COL5A3: variants seen among roughly 807,000 people sequenced by gnomAD.
COL5A3 encodes collagen type V alpha 3 chain, also known as collagen alpha-3(V) chain.
A neutral mutation model predicts 250.0 loss-of-function variants in COL5A3; 172 were observed. That is an observed-to-expected ratio of 0.69 (90% CI 0.61 to 0.78). The LOEUF (loss-of-function observed/expected upper bound fraction) is 0.78. COL5A3 is among the 30% of genes least tolerant of loss of function. COL5A3 has a pLI of 0.00. For missense variants in COL5A3, 2,340 were observed against 2,334.4 expected (o/e 1.00, Z -0.05); for synonymous variants, 937 against 900.4 (o/e 1.04, Z -0.73).
intron 23 of COL5A3, 58 bp downstream of exon 23, chr19:9,991,730 G>A (rs371768648): frequency 4.9e-5 from 78 of 1,595,444 alleles, no homozygotes; most frequent in Non-Finnish European, 6.0e-5. Flanking sequence ...GCCTGGTCAC[G>A]GTCTAAGGTC....
chr19:9,979,385 T>TA lies in COL5A3; in HGVS notation c.2744_2745insT (p.Ala916SerfsTer18), dbSNP rs753690146. ...TGACCTGAGGGCCTAAGACACCAGCTGGTCCAGGCGGGCCTGTCTGACCTT... is the reference window on the plus strand; with the variant it reads ...TGACCTGAGGGCCTAAGACACCAGCTAGGTCCAGGCGGGCCTGTCTGACCTT... On this transcript the variant is annotated frameshift_variant, in exon 38 of 67. Coordinates refer to ENST00000264828, the MANE Select transcript of COL5A3 (RefSeq NM_015719.4). LOFTEE classifies it high-confidence loss of function. 12 of 1,613,944 alleles carry TA rather than the reference T, an allele frequency of 7.4e-6. No homozygotes were observed. Among genetic ancestry groups the TA allele is most frequent in the Non-Finnish European group, 1.0e-5 (12 of 1,180,006 alleles).
chr19:10,006,058 C>T lies in COL5A3; in HGVS notation c.247+15G>A, dbSNP rs780234614. On this transcript the variant is annotated intron_variant, in intron 2 of 66. Coordinates refer to ENST00000264828, the MANE Select transcript of COL5A3 (RefSeq NM_015719.4). ...TCCCTCCGGGGAGGTACCCAGGCCT[C>T]CTACTCCAACTCACCTGGAAAGAGT... 113 of 1,613,384 alleles carry T rather than the reference C, an allele frequency of 7.0e-5. 1 individual carries two copies. The South Asian group carries it at 7.6e-4, about 11-fold the overall frequency.
chr19:9,974,360 G>A lies in COL5A3; in HGVS notation c.3391C>T (p.Gln1131Ter). The A allele has an allele frequency of 6.2e-6, 10 of 1,612,482 alleles. No individual in the cohort carries two copies. Among genetic ancestry groups the A allele is most frequent in the Non-Finnish European group, 8.5e-6 (10 of 1,179,344 alleles). Residue 1131 changes from glutamine (Q) to a stop codon, truncating the protein, a stop_gained, in exon 46 of 67, where the codon CAG becomes TAG. Transcript: ENST00000264828. LOFTEE classifies it high-confidence loss of function. The stretch of plus-strand genomic sequence containing the variant: ...CCTCTGACTCCGTCATCTCCTTTCT[G>A]CCCAAAGAGGCCTGGGGGTCCCCGG... ...GRRGPPGLFG[Q>*]KGDDGVRGFV...
Position 9,973,904 on chromosome 19 carries a change from C to T in COL5A3, c.3558+15G>A, listed in dbSNP as rs756121996. On this transcript the variant is annotated intron_variant, in intron 48 of 66. Coordinates refer to ENST00000264828, the MANE Select transcript of COL5A3 (RefSeq NM_015719.4). Reference sequence around the variant, plus strand: ...CCCCATCTCTGAGCCTTCCTGGCCCCCCAAGAGTTCTCACCTCTGATCCAG... The same window carrying T: ...CCCCATCTCTGAGCCTTCCTGGCCCTCCAAGAGTTCTCACCTCTGATCCAG... 4 of 1,586,300 alleles carry T rather than the reference C, an allele frequency of 2.5e-6. No homozygotes were observed. Among genetic ancestry groups the T allele is most frequent in the Non-Finnish European group, 3.4e-6 (4 of 1,163,348 alleles).
At chr19:9,991,891 G>A (rs7251453) in intron 22 of COL5A3, 50 bp from the exon 23 acceptor site, 566,797 of 1,590,264 alleles carry the variant, frequency 0.36, 104,478 homozygotes, top group African/African-American at 0.61. Flanking sequence ...CATGGTGTTG[G>A]GGCGTTAGTG....
chr19:9,986,274 C>T, intron 30 of COL5A3, 41 bp downstream of exon 30: 1 of 1,326,136 alleles, frequency 7.5e-7, no homozygotes, highest in Non-Finnish European at 1.0e-6. Flanking sequence ...AGATTGGGGA[C>T]ACCTTGACTG....
chr19:9,990,971 T>C (rs563801164), intron 24 of COL5A3, among the ~76,000 whole-genome samples: 1 of 152,264 alleles, frequency 6.6e-6, no homozygotes, highest in Admixed American at 6.5e-5. Context: ...TCGCCTGTAA[T>C]CCCAGCATTT....
intron 8 of COL5A3, 46 bp from the exon 9 acceptor site, chr19:9,998,195 G>T: frequency 6.4e-7 from 1 of 1,559,778 alleles, no homozygotes; most frequent in South Asian, 1.2e-5. Flanking sequence ...ATGTGAACTT[G>T]GACATAAGCC....
chr19:9,970,844 G>T, intron 53 of COL5A3, 131 bp downstream of exon 53: 1 of 1,076,620 alleles, frequency 9.3e-7, no homozygotes, highest in Non-Finnish European at 1.3e-6. Flanking sequence ...GGGGTCCCCA[G>T]AGAGGTGAAG....
intron 1 of COL5A3, among the ~76,000 whole-genome samples, chr19:10,006,764 G>A (rs1001384323): frequency 6.9e-6 from 1 of 145,074 alleles, no homozygotes; most frequent in Middle Eastern, 4.2e-3. Flanking sequence ...CTGACCATCT[G>A]CCTCTGACCA....
intron 24 of COL5A3, among the ~76,000 whole-genome samples, chr19:9,989,959 C>G (rs1215637971): frequency 6.6e-5 from 10 of 151,838 alleles, no homozygotes; most frequent in Non-Finnish European, 1.5e-5. Context: ...ACTATGCTGG[C>G]CAGGCTGGTC....
chr19:9,972,865 AG>A, intron 51 of COL5A3, 53 bp downstream of exon 51: 3 of 1,357,984 alleles, frequency 2.2e-6, no homozygotes, highest in East Asian at 5.0e-5. Context: ...GAGAGCTTCA[AG>A]TACATTCAAG....
At chr19:9,961,215 C>T (rs2086668059) in intron 65 of COL5A3, among the ~76,000 whole-genome samples, 2 of 152,166 alleles carry the variant, frequency 1.3e-5, no homozygotes, top group Non-Finnish European at 2.9e-5. Flanking sequence ...TCTTGTGAGT[C>T]GCTGGATCTA....
Position 9,973,646 on chromosome 19 carries a change from G to C in COL5A3, c.3613-23C>G, listed in dbSNP as rs746468323. The C allele has an allele frequency of 2.5e-6, 4 of 1,611,934 alleles. No homozygotes were observed. In the East Asian group the frequency reaches 6.7e-5, roughly 27 times the overall value. ...ACCCTGCAGGAGGCAAAGTGAGAGTGGGGAGAGGTCCCATCCTAGCAGACA... is the reference window on the plus strand; with the variant it reads ...ACCCTGCAGGAGGCAAAGTGAGAGTCGGGAGAGGTCCCATCCTAGCAGACA... On this transcript the variant is annotated intron_variant, in intron 49 of 66. Transcript: ENST00000264828.
Position 10,009,812 on chromosome 19 carries a change from C to A in COL5A3, c.88+486G>T, listed in dbSNP as rs1890696030. On this transcript the variant is annotated intron_variant, in intron 1 of 66. Transcript: ENST00000264828. This position sits in a 1 kb window ranked among gnomAD's most constrained non-coding sequence, Gnocchi z 4.4. ...TTTGCACCCAAAAATCATAACTACA[C>A]CCCTCATAGCGGCACTCAGAGACAC... Among the ~76,000 whole-genome samples, 1 of 152,028 alleles carries A rather than the reference C, an allele frequency of 6.6e-6. No individual in the cohort carries two copies. Among genetic ancestry groups the A allele is most frequent in the African/African-American group, 2.4e-5 (1 of 41,374 alleles).
At chr19:9,975,776 T>G (rs2086910364) in intron 45 of COL5A3, among the ~76,000 whole-genome samples, 2 of 151,786 alleles carry the variant, frequency 1.3e-5, no homozygotes, top group African/African-American at 4.8e-5. Context: ...AATCAGATTC[T>G]GGGGTTGAGT....
At chr19:10,005,754 A>C (rs1599231894) in intron 3 of COL5A3, 40 bp from the exon 4 acceptor site, 1 of 1,598,286 alleles carries the variant, frequency 6.3e-7, no homozygotes, top group South Asian at 1.1e-5. Context: ...TTCTCACCCC[A>C]CCCCTTATCC....
chr19:9,980,770 G>A (rs1051961798), intron 34 of COL5A3, 36 bp downstream of exon 34: 1 of 1,613,566 alleles, frequency 6.2e-7, no homozygotes, highest in Admixed American at 1.7e-5. Context: ...CTGAGCCTGG[G>A]GCATGGGGGG....
At chr19:9,976,709 G>A (rs2086928031) in intron 44 of COL5A3, 98 bp from the exon 45 acceptor site, 6 of 883,302 alleles carry the variant, frequency 6.8e-6, no homozygotes, top group Non-Finnish European at 8.6e-6. Flanking sequence ...CCCTTTATGA[G>A]AACAACTTCC....
Sources: allele counts gnomAD v4.1 joint callset (sites outside exome capture counted in the v4.1 genomes callset), GRCh38; gene constraint gnomAD v4.1.1; non-coding constraint Gnocchi (gnomAD v3.1); transcripts MANE v1.5; gene names NCBI Gene and HGNC (gene_info 2026-07-23, HGNC 2026-07-21).